TPTE: variants seen among roughly 807,000 people sequenced by gnomAD.
The protein encoded by TPTE is transmembrane phosphatase with tensin homology, also known as putative tyrosine-protein phosphatase TPTE.
In TPTE, 59 loss-of-function variants were observed where a neutral mutation model predicts 84.1. The observed-to-expected ratio is 0.70, with a 90% CI of 0.57 to 0.87. The LOEUF (loss-of-function observed/expected upper bound fraction) is 0.87, where lower values mean the gene tolerates loss of function less well. Among genes scored for constraint, TPTE ranks in the 40% least tolerant of loss-of-function variants. TPTE has a pLI of 0.00. For synonymous variants in TPTE, 130 were observed against 223.5 expected (o/e 0.58, Z 3.73); for missense variants, 382 against 659.6 (o/e 0.58, Z 4.61).
At chr21:10,603,668 A>T in intron 23 of TPTE, 36 bp downstream of exon 23, 1 of 1,601,598 alleles carries the variant, frequency 6.2e-7, no homozygotes, top group Non-Finnish European at 8.5e-7. Context: ...AAACAGCCTA[A>T]TCTTCAATGT....
At chr21:10,602,616 T>C (rs2145809542) in intron 22 of TPTE, 1 of 513,040 alleles carries the variant, frequency 1.9e-6, no homozygotes, top group African/African-American at 1.9e-5. Context: ...CACCTCAGCC[T>C]CCCGAGTAGC....
intron 7 of TPTE, among the ~76,000 whole-genome samples, chr21:10,545,597 T>C (rs1427567949): frequency 6.6e-6 from 1 of 152,300 alleles, no homozygotes; most frequent in African/African-American, 2.4e-5. Flanking sequence ...TGAAAACTAC[T>C]GACATTATTA....
chr21:10,587,472 T>C (rs1232447611), intron 17 of TPTE, among the ~76,000 whole-genome samples: 1 of 152,308 alleles, frequency 6.6e-6, no homozygotes, highest in Non-Finnish European at 1.5e-5. Context: ...ATATGGTATT[T>C]GGTTTTTTGT....
At chr21:10,594,731 G>A (rs1190495177) in intron 19 of TPTE, among the ~76,000 whole-genome samples, 6 of 152,310 alleles carry the variant, frequency 3.9e-5, no homozygotes, top group Non-Finnish European at 8.8e-5. Context: ...GCACACCAAA[G>A]GCTGCAACTG....
intron 17 of TPTE, among the ~76,000 whole-genome samples, chr21:10,586,051 A>G (rs1297810236): frequency 1.3e-5 from 2 of 152,302 alleles, no homozygotes; most frequent in Non-Finnish European, 2.9e-5. Context: ...TGTGGTCTCT[A>G]TTTTTTACTT....
chr21:10,549,378 A>C (rs563867328), intron 7 of TPTE, among the ~76,000 whole-genome samples: 4 of 152,426 alleles, frequency 2.6e-5, no homozygotes, highest in South Asian at 2.1e-4. Flanking sequence ...ACCTAATCAT[A>C]AACATATGAT....
Position 10,590,524 on chromosome 21 carries a change from G to T in TPTE, c.1089+1G>T. ...CTCTGAAATATGTTCAACTGCAAAG[G>T]TATGAAAGATGTTCTACAAACTTTG... On this transcript the variant is annotated splice_donor_variant, in intron 18 of 23. Transcript: ENST00000618007. LOFTEE classifies it high-confidence loss of function. The T allele has an allele frequency of 6.2e-7, 1 of 1,614,022 alleles. No individual in the cohort carries two copies. Among genetic ancestry groups the T allele is most frequent in the Non-Finnish European group, 8.5e-7 (1 of 1,179,874 alleles).
intron 7 of TPTE, among the ~76,000 whole-genome samples, chr21:10,548,148 G>A (rs2074504940): frequency 6.6e-6 from 1 of 152,300 alleles, no homozygotes; most frequent in African/African-American, 2.4e-5. Flanking sequence ...TCTCAGACCT[G>A]AGAGACAAGC....
rs1978843989 is a variant in TPTE at position 10,603,492 on chromosome 21, G to T, written c.1450-70G>T. On this transcript the variant is annotated intron_variant, in intron 22 of 23. Transcript: ENST00000618007. ...TAAATATAAAAAAGAATAAAGAAAG[G>T]AACTTCAATTTCTTTGGAATGATTA... 8.4e-6 allele frequency: 12 copies of T among 1,432,072 alleles called. No individual in the cohort carries two copies. The East Asian group carries it at 1.2e-4, about 14-fold the overall frequency. The allele number at this position is 1,432,072 out of a possible 1,614,324, so 88.7% of individuals were successfully genotyped here.
At chr21:10,597,896 A>G in intron 20 of TPTE, 119 bp from the exon 21 acceptor site, 6 of 1,342,344 alleles carry the variant, frequency 4.5e-6, no homozygotes, top group Admixed American at 4.4e-5. Context: ...ATAAGTGACT[A>G]TTGATACATT....
intron 10 of TPTE, among the ~76,000 whole-genome samples, chr21:10,563,807 G>A (rs2074857450): frequency 6.6e-6 from 1 of 152,310 alleles, no homozygotes; most frequent in Non-Finnish European, 1.5e-5. Context: ...TAATAACATT[G>A]AATGTCAGTA....
intron 2 of TPTE, among the ~76,000 whole-genome samples, chr21:10,526,938 T>C (rs1469046501): frequency 6.6e-6 from 1 of 152,306 alleles, no homozygotes; most frequent in Non-Finnish European, 1.5e-5. Flanking sequence ...CATATAACTT[T>C]AAAAAAATGA....
rs370617429 is a variant in TPTE at position 10,583,444 on chromosome 21, C to T, written c.1027+4839C>T. On this transcript the variant is annotated intron_variant, in intron 17 of 23. Coordinates refer to ENST00000618007, the MANE Select transcript of TPTE (RefSeq NM_199261.4). ...CTGGATTATTCATCTTTTTTTCTCC[C>T]GATTGTAGTTCTTTGTGTATTCTGA... is the stretch of plus-strand genomic sequence containing the variant. 3.7e-4 allele frequency among the ~76,000 whole-genome samples: 57 copies of T among 152,350 alleles called. No individual in the cohort carries two copies. In the South Asian group the frequency reaches 5.2e-3, roughly 14 times the overall value.
rs1414458154 is a variant in TPTE at position 10,602,115 on chromosome 21, C to T, written c.1414C>T (p.Leu472=). ...AATTGATGTATTCGACGGTCTACCT[C>T]TGTATGATGATGTGAAAGTGCAGTT... ...ILIDVFDGLP[L]YDDVKVQFFY... Residue 472 remains leucine, a synonymous_variant, in exon 22 of 24, where the codon CTG becomes TTG. Transcript: ENST00000618007. 2 of 1,613,174 alleles carry T rather than the reference C, an allele frequency of 1.2e-6. No individual in the cohort carries two copies. The highest frequency in any genetic ancestry group is 2.2e-5 in the East Asian group (1 of 44,866).
At chr21:10,564,514 AG>A (rs2074875554) in intron 10 of TPTE, among the ~76,000 whole-genome samples, 1 of 152,422 alleles carries the variant, frequency 6.6e-6, no homozygotes, top group South Asian at 2.1e-4. Context: ...AGTCTCAAAA[AG>A]AATAAAAATA....
intron 21 of TPTE, among the ~76,000 whole-genome samples, chr21:10,598,521 C>A (rs1420362320): frequency 1.3e-5 from 2 of 152,310 alleles, no homozygotes; most frequent in African/African-American, 4.8e-5. Context: ...ATTTACATTC[C>A]TAGGTTGTAC....
At chr21:10,551,328 C>A (rs1370214633) in intron 7 of TPTE, among the ~76,000 whole-genome samples, 29 of 152,382 alleles carry the variant, frequency 1.9e-4, no homozygotes, top group African/African-American at 6.7e-4. Flanking sequence ...GGAGATATAC[C>A]TAATGTAAAT....
chr21:10,547,508 G>T (rs1216072151), intron 7 of TPTE, among the ~76,000 whole-genome samples: 2 of 152,428 alleles, frequency 1.3e-5, no homozygotes, highest in South Asian at 2.1e-4. Flanking sequence ...CACAGTCTTT[G>T]CAAGCCCTCA....
intron 8 of TPTE, among the ~76,000 whole-genome samples, chr21:10,553,927 G>T (rs1007273036): frequency 1.3e-5 from 2 of 152,304 alleles, no homozygotes; most frequent in African/African-American, 4.8e-5. Flanking sequence ...CTGTAGTTCT[G>T]TAAATAGGTT....
Sources: gnomAD v4.1 joint callset for allele counts (sites outside exome capture counted in the v4.1 genomes callset) on GRCh38, gnomAD v4.1.1 for gene constraint, MANE v1.5 for transcripts, NCBI Gene and HGNC (gene_info 2026-07-23, HGNC 2026-07-21) for gene names.